Variants in FERMT1 observed in about 807,000 individuals in gnomAD.
FERMT1 encodes the protein fermitin family homolog 1.
Under a neutral mutation model 85.3 loss-of-function variants are expected in FERMT1, and 60 were observed. The ratio of observed to expected loss-of-function variants is 0.70; its 90% CI spans 0.57 to 0.87. The LOEUF (loss-of-function observed/expected upper bound fraction) is 0.87. FERMT1 is among the 40% of genes least tolerant of loss of function. The pLI is 0.00. For missense variants in FERMT1, 701 were observed against 818.9 expected, an observed-to-expected ratio of 0.86 and a Z score of 1.76; for synonymous variants, 275 against 301.1, an observed-to-expected ratio of 0.91 and a Z score of 0.90.
chr20:6,110,413 A>G lies in FERMT1; in HGVS notation c.631T>C (p.Leu211=). The change falls in exon 5 of 15, where the codon TTG becomes CTG. Residue 211 remains leucine (L), a synonymous_variant. Coordinates refer to ENST00000217289, the MANE Select transcript of FERMT1 (RefSeq NM_017671.5). ...STMTWFSDSP[L]TEQNCSILAF... The stretch of plus-strand genomic sequence containing the variant: ...AGGATGCTGCAGTTTTGTTCCGTCA[A>G]AGGGCTGTCACTGAACCAAGTCATG... The G allele has an allele frequency of 6.2e-7, 1 of 1,614,070 alleles. No homozygotes were observed. The highest frequency in any genetic ancestry group is 8.5e-7 in the Non-Finnish European group (1 of 1,180,006).
At chr20:6,105,857 A>G (rs1305910406) in intron 6 of FERMT1, among the ~76,000 whole-genome samples, 1 of 152,242 alleles carries the variant, frequency 6.6e-6, no homozygotes, top group Non-Finnish European at 1.5e-5. Context: ...TAGTAACTGG[A>G]AAATGCATGG....
intron 1 of FERMT1, among the ~76,000 whole-genome samples, chr20:6,121,446 C>T (rs1297040701): frequency 6.6e-6 from 1 of 152,238 alleles, no homozygotes; most frequent in Admixed American, 6.5e-5. Flanking sequence ...TAGTCAGAAG[C>T]ATGCAACGAT....
At chr20:6,108,965 C>T (rs1419280939) in intron 5 of FERMT1, among the ~76,000 whole-genome samples, 1 of 152,146 alleles carries the variant, frequency 6.6e-6, no homozygotes, top group Non-Finnish European at 1.5e-5. Context: ...GAGAAATATT[C>T]ATATCTGTGC....
At chr20:6,085,419 C>A in intron 11 of FERMT1, 132 bp from the exon 12 acceptor site, 1 of 766,556 alleles carries the variant, frequency 1.3e-6, no homozygotes, top group South Asian at 1.5e-5. Flanking sequence ...AAGTGGCACA[C>A]GTTGTGAGTG....
intron 8 of FERMT1, 60 bp downstream of exon 8, chr20:6,096,842 C>G: frequency 1.9e-6 from 2 of 1,044,336 alleles, no homozygotes; most frequent in South Asian, 1.3e-5. Context: ...AAGAAAAGTT[C>G]ATTTATACTT....
In FERMT1 at chr20:6,099,997, AG is replaced by A. The variant is rs376045677; in HGVS notation, c.850-2367del. ...AGAGACTATCTCAGAAAAAAAAAAAAGAGAGAGAAAATGGATAGTGGTAATA... is the reference window on the plus strand; with the variant it reads ...AGAGACTATCTCAGAAAAAAAAAAAAAGAGAGAAAATGGATAGTGGTAATA... On this transcript the variant is annotated intron_variant, in intron 6 of 14. Coordinates refer to ENST00000217289, the MANE Select transcript of FERMT1 (RefSeq NM_017671.5). Among the ~76,000 whole-genome samples the A allele has an allele frequency of 8.2e-3, 1,239 of 150,984 alleles. 12 individuals carry two copies. The highest frequency in any genetic ancestry group is 0.027 in the African/African-American group (1,096 of 40,636).
intron 14 of FERMT1, among the ~76,000 whole-genome samples, chr20:6,078,888 G>A (rs866031120): frequency 1.3e-5 from 2 of 152,132 alleles, no homozygotes; most frequent in African/African-American, 4.8e-5. Context: ...ACATAGGCTA[G>A]GGGTTTGAGG....
intron 1 of FERMT1, among the ~76,000 whole-genome samples, chr20:6,121,400 G>C (rs888857010): frequency 1.3e-5 from 2 of 152,184 alleles, no homozygotes; most frequent in African/African-American, 2.4e-5. Context: ...CATTACAGGC[G>C]TGGGCCACCA....
chr20:6,119,715 C>T (rs1983215388), intron 1 of FERMT1, 143 bp from the exon 2 acceptor site: 1 of 649,424 alleles, frequency 1.5e-6, no homozygotes, highest in Non-Finnish European at 2.6e-6. Context: ...TCCAGGTGCT[C>T]CAGATATCAA....
intron 1 of FERMT1, among the ~76,000 whole-genome samples, chr20:6,120,981 A>G (rs1356486024): frequency 2.0e-5 from 3 of 152,240 alleles, no homozygotes; most frequent in African/African-American, 7.2e-5. Flanking sequence ...GTTCATTCGA[A>G]ACGACTCATT....
At chr20:6,085,346 G>C in intron 11 of FERMT1, 59 bp from the exon 12 acceptor site, 2 of 1,475,756 alleles carry the variant, frequency 1.4e-6, no homozygotes, top group Non-Finnish European at 1.9e-6. Flanking sequence ...GCTGCACACA[G>C]AGGGGGACTT....
At chr20:6,117,001 T>G (rs1311609908) in intron 2 of FERMT1, among the ~76,000 whole-genome samples, 2 of 152,152 alleles carry the variant, frequency 1.3e-5, no homozygotes, top group Admixed American at 6.5e-5. Flanking sequence ...CAACTGACAT[T>G]TCATTCTTCT....
At chr20:6,121,140 T>G (rs1027845738) in intron 1 of FERMT1, among the ~76,000 whole-genome samples, 10 of 152,182 alleles carry the variant, frequency 6.6e-5, no homozygotes, top group African/African-American at 2.4e-4. Flanking sequence ...TTGTTTTTTT[T>G]GAGATGGAGT....
At chr20:6,114,357 A>T (rs1255701574) in intron 3 of FERMT1, among the ~76,000 whole-genome samples, 1 of 152,236 alleles carries the variant, frequency 6.6e-6, no homozygotes, top group Non-Finnish European at 1.5e-5. Flanking sequence ...ACTTCAATTG[A>T]TAAGATATAA....
chr20:6,081,466 G>A (rs938975113), intron 13 of FERMT1, among the ~76,000 whole-genome samples: 3 of 152,124 alleles, frequency 2.0e-5, no homozygotes, highest in Non-Finnish European at 2.9e-5. Flanking sequence ...CAAATGCTGC[G>A]GAGAGGGTAG....
chr20:6,115,845 A>T lies in FERMT1; in HGVS notation c.351T>A (p.Val117=). 6.2e-7 allele frequency: 1 copy of T among 1,614,186 alleles called. No homozygotes were observed. Among genetic ancestry groups the T allele is most frequent in the Non-Finnish European group, 8.5e-7 (1 of 1,180,018 alleles). ...TGCAGATATCACTGACAGCTTTAAA[A>T]ACCACAGCTGAGAAGCTGACTCGCA... ...VRLRVSFSAV[V]FKAVSDICKI... is the part of the protein sequence containing the mutation. The change falls in exon 3 of 15, where the codon GTT becomes GTA. Residue 117 remains valine (V), a synonymous_variant. Coordinates refer to ENST00000217289, the MANE Select transcript of FERMT1 (RefSeq NM_017671.5).
In FERMT1 at chr20:6,099,830, TAAAA is replaced by T. The variant is rs112369032; in HGVS notation, c.850-2203_850-2200del. On this transcript the variant is annotated intron_variant, in intron 6 of 14. Transcript: ENST00000217289. ...AGGCAACATGATGAGTCACTGTTTC[TAAAA>T]AAAAAAAAAAAAAAAAAATTATCCA... Among the ~76,000 whole-genome samples, 1,091 of 120,480 alleles carry T rather than the reference TAAAA, an allele frequency of 9.1e-3. 10 individuals are homozygous for T. The highest frequency in any genetic ancestry group is 0.029 in the African/African-American group (922 of 31,860). 79.0% of individuals were successfully genotyped at this position (120,480 alleles called of 152,430 possible). A position where few individuals can be genotyped will look rare whatever the true frequency, so the allele number is the denominator to read the frequency against.
intron 2 of FERMT1, among the ~76,000 whole-genome samples, chr20:6,117,339 G>A (rs369659657): frequency 2.0e-5 from 3 of 151,508 alleles, no homozygotes; most frequent in Non-Finnish European, 2.9e-5. Context: ...CATGATCTCG[G>A]CTCACTGCAA....
chr20:6,108,564 C>A (rs1170649347), intron 5 of FERMT1, among the ~76,000 whole-genome samples: 1 of 152,058 alleles, frequency 6.6e-6, no homozygotes, highest in African/African-American at 2.4e-5. Flanking sequence ...AATTCCAGCA[C>A]CTTGGGAGGC....
Sources: allele counts gnomAD v4.1 joint callset (sites outside exome capture counted in the v4.1 genomes callset), GRCh38; gene constraint gnomAD v4.1.1; transcripts MANE v1.5; gene names NCBI Gene and HGNC (gene_info 2026-07-23, HGNC 2026-07-21).